The following ROBO2 variants were observed in gnomAD, a reference collection of about 807,000 sequenced individuals.
ROBO2 encodes the protein roundabout guidance receptor 2.
ROBO2 carries 53 observed loss-of-function variants against 160.8 expected under a neutral mutation model. That is an observed-to-expected ratio of 0.33 (90% CI 0.26 to 0.41). The LOEUF is 0.41. ROBO2 is among the 10% of genes least tolerant of loss of function. The pLI, the probability that ROBO2 is intolerant of heterozygous loss-of-function variation, is 1.00. For missense variants in ROBO2, 1,577 were observed against 1,722.4 expected, an observed-to-expected ratio of 0.92 and a Z score of 1.49; for synonymous variants, 664 against 611.7, an observed-to-expected ratio of 1.09 and a Z score of -1.26.
At chr3:77,069,018 T>C (rs1463711690) in intron 1 of ROBO2, among the ~76,000 whole-genome samples, 1 of 152,216 alleles carries the variant, frequency 6.6e-6, no homozygotes, top group African/African-American at 2.4e-5. Flanking sequence ...CACGCTCAAT[T>C]GTTTAAGCAC....
At chr3:77,302,444 T>G (rs1166657617) in intron 2 of ROBO2, among the ~76,000 whole-genome samples, 1 of 152,088 alleles carries the variant, frequency 6.6e-6, no homozygotes, top group African/African-American at 2.4e-5. Flanking sequence ...ACTTTCCTTG[T>G]CTCCCATAAT....
rs558441097 is a variant in ROBO2 at position 76,780,700 on chromosome 3, A to G, written c.110-317314A>G. Reference sequence around the variant, plus strand: ...TTACTAAAGAGACTATCCTTTCCCCACTGTGTATTCTTGTCAAAAATTAGC... The same window carrying G: ...TTACTAAAGAGACTATCCTTTCCCCGCTGTGTATTCTTGTCAAAAATTAGC... On this transcript the variant is annotated intron_variant, in intron 2 of 26. Coordinates refer to the ROBO2 transcript ENST00000487694. Among the ~76,000 whole-genome samples the G allele has an allele frequency of 6.6e-5, 10 of 150,674 alleles. No individual in the cohort carries two copies. The East Asian group carries it at 2.0e-3, about 30-fold the overall frequency.
At chr3:76,526,374 G>A (rs1220332196) in intron 2 of ROBO2, among the ~76,000 whole-genome samples, 3 of 152,018 alleles carry the variant, frequency 2.0e-5, no homozygotes, top group African/African-American at 7.2e-5. Flanking sequence ...GCAAGGTGTA[G>A]TATGTTTCAT....
At chr3:76,232,959 C>T (rs576485293) in intron 2 of ROBO2, among the ~76,000 whole-genome samples, 94 of 152,174 alleles carry the variant, frequency 6.2e-4, no homozygotes, top group African/African-American at 2.0e-3. Flanking sequence ...AATCTCGCAC[C>T]GTCACTCTCT....
intron 2 of ROBO2, among the ~76,000 whole-genome samples, chr3:77,369,254 G>A (rs1343504218): frequency 1.3e-5 from 2 of 152,118 alleles, no homozygotes; most frequent in African/African-American, 4.8e-5. Context: ...CAAGTGAGGT[G>A]CCTTGGGGGC....
chr3:77,216,502 C>G (rs946252035), intron 2 of ROBO2, among the ~76,000 whole-genome samples: 1 of 152,228 alleles, frequency 6.6e-6, no homozygotes, highest in African/African-American at 2.4e-5. Flanking sequence ...GGAAAGGGAA[C>G]TCCCTGACCC....
intron 2 of ROBO2, among the ~76,000 whole-genome samples, chr3:76,995,024 T>C (rs569055350): frequency 1.4e-3 from 207 of 152,272 alleles, no homozygotes; most frequent in Non-Finnish European, 2.0e-3. Context: ...TAGGTATACA[T>C]GTCCCATGCT....
chr3:75,911,906 A>C (rs1193028501), intron 1 of ROBO2, among the ~76,000 whole-genome samples: 2 of 152,144 alleles, frequency 1.3e-5, no homozygotes, highest in Non-Finnish European at 2.9e-5. Context: ...TGCTATGAAG[A>C]GTGGTTGTTA....
intron 2 of ROBO2, among the ~76,000 whole-genome samples, chr3:77,159,351 G>C (rs2150595846): frequency 6.6e-6 from 1 of 152,198 alleles, no homozygotes; most frequent in South Asian, 2.1e-4. Context: ...TGCTGGTACT[G>C]TGCAAGATGA....
chr3:76,201,084 G>A (rs1020515881), intron 2 of ROBO2, among the ~76,000 whole-genome samples: 1 of 152,058 alleles, frequency 6.6e-6, no homozygotes, highest in Non-Finnish European at 1.5e-5. Flanking sequence ...ACAAAGACAG[G>A]CTAATTTTGC....
At chr3:76,572,156 C>A (rs1388291821) in intron 2 of ROBO2, among the ~76,000 whole-genome samples, 4 of 152,060 alleles carry the variant, frequency 2.6e-5, no homozygotes, top group African/African-American at 9.7e-5. Flanking sequence ...TTTATTGAAT[C>A]CTTTTAGCAG....
intron 1 of ROBO2, among the ~76,000 whole-genome samples, chr3:77,077,747 C>T (rs773553535): frequency 3.3e-5 from 5 of 152,190 alleles, no homozygotes; most frequent in Non-Finnish European, 5.9e-5. Context: ...TCTTATCCAT[C>T]AAGGTCTGCT....
chr3:77,124,432 G>T (rs144313904), intron 2 of ROBO2, among the ~76,000 whole-genome samples: 46 of 152,236 alleles, frequency 3.0e-4, no homozygotes, highest in Non-Finnish European at 5.9e-4. Context: ...TGAGGAGCCT[G>T]GGTTAGGAGA....
chr3:75,949,466 T>C (rs80320568), intron 2 of ROBO2, among the ~76,000 whole-genome samples: 1 of 152,116 alleles, frequency 6.6e-6, no homozygotes, highest in Non-Finnish European at 1.5e-5. Flanking sequence ...TCACATGTCA[T>C]GTACTGTAAG....
At chr3:76,440,533 A>G (rs1279996006) in intron 2 of ROBO2, among the ~76,000 whole-genome samples, 2 of 152,170 alleles carry the variant, frequency 1.3e-5, no homozygotes, top group Non-Finnish European at 2.9e-5. Context: ...AAATCTGTAA[A>G]GGGTGCTTTA....
At chr3:76,381,309 A>G (rs906183114) in intron 2 of ROBO2, among the ~76,000 whole-genome samples, 2 of 152,154 alleles carry the variant, frequency 1.3e-5, no homozygotes, top group African/African-American at 4.8e-5. Context: ...TTTGGAAAGA[A>G]GAATATGCAT....
At chr3:76,195,983 G>T (rs1046194754) in intron 2 of ROBO2, among the ~76,000 whole-genome samples, 1 of 151,958 alleles carries the variant, frequency 6.6e-6, no homozygotes, top group Non-Finnish European at 1.5e-5. Context: ...TTCCCTTCTC[G>T]CATAAACCCA....
chr3:77,520,940 A>G (rs1388180979), intron 5 of ROBO2, among the ~76,000 whole-genome samples: 1 of 151,350 alleles, frequency 6.6e-6, no homozygotes, highest in Non-Finnish European at 1.5e-5. Context: ...TACTTGCTCT[A>G]AACTATACTC....
intron 21 of ROBO2, among the ~76,000 whole-genome samples, chr3:77,615,983 C>T (rs1175107386): frequency 2.6e-5 from 4 of 152,120 alleles, no homozygotes; most frequent in Non-Finnish European, 5.9e-5. Context: ...CTCCCATGTA[C>T]CAGAAACTGT....
Sources: gnomAD v4.1 joint callset for allele counts (sites outside exome capture counted in the v4.1 genomes callset) on GRCh38, gnomAD v4.1.1 for gene constraint, MANE v1.5 for transcripts, NCBI Gene and HGNC (gene_info 2026-07-23, HGNC 2026-07-21) for gene names.